The following FMNL1 variants were observed in gnomAD, a reference collection of about 807,000 sequenced individuals.
FMNL1 encodes formin like 1, also known as formin-like protein 1.
In FMNL1, 43 loss-of-function variants were observed where a neutral mutation model predicts 121.3. The observed-to-expected ratio is 0.35, with a 90% CI of 0.28 to 0.46. The LOEUF is 0.46. FMNL1 is among the 20% of genes least tolerant of loss of function. FMNL1 has a pLI of 1.00. For missense variants in FMNL1, 1,191 were observed against 1,482.4 expected, an observed-to-expected ratio of 0.80 and a Z score of 3.23; for synonymous variants, 613 against 613.5, an observed-to-expected ratio of 1.00 and a Z score of 0.01.
At chr17:45,243,350 A>T in intron 17 of FMNL1, 30 bp downstream of exon 17, 1 of 1,607,762 alleles carries the variant, frequency 6.2e-7, no homozygotes, top group Middle Eastern at 2.1e-4. Context: ...GTTTGTGGGC[A>T]GTCCGGCCCC....
chr17:45,231,748 C>T lies in FMNL1; in HGVS notation c.214-619C>T, dbSNP rs1025419540. ...AGAGGAGCACGCAGGTTCCTGCCAA[C>T]GCAGATGTGCAGGGCGGCTGGGTCC... On this transcript the variant is annotated intron_variant, in intron 2 of 26. Coordinates refer to ENST00000331495, the MANE Select transcript of FMNL1 (RefSeq NM_005892.4). The surrounding 1 kb of genome is among the most constrained non-coding windows in gnomAD (Gnocchi z 4.7). Among the ~76,000 whole-genome samples the T allele has an allele frequency of 3.9e-5, 6 of 152,238 alleles. No individual in the cohort carries two copies. Among genetic ancestry groups the T allele is most frequent in the Admixed American group, 1.3e-4 (2 of 15,302 alleles).
rs369830590 is a variant in FMNL1 at position 45,237,817 on chromosome 17, C to A, written c.894+178C>A. The stretch of plus-strand genomic sequence containing the variant: ...CTCAGCAATCTGGGATGGGGAAGTT[C>A]TGAATGGAAGGTACAGGGTCAGGTA... On this transcript the variant is annotated intron_variant, in intron 9 of 26. Transcript: ENST00000331495. The surrounding 1 kb of genome is among the most constrained non-coding windows in gnomAD (Gnocchi z 4.4). Among the ~76,000 whole-genome samples the A allele has an allele frequency of 1.3e-5, 2 of 152,122 alleles. No individual in the cohort carries two copies. The highest frequency in any genetic ancestry group is 1.9e-4 in the East Asian group (1 of 5,186).
rs992192887 is a variant in FMNL1 at position 45,233,403 on chromosome 17, T to C, written c.401+106T>C. ...TCCCCCTGCCCCCTGCACAAGGCTG[T>C]GCTTGTGGACCACCTCCTGGAGGTG... On this transcript the variant is annotated intron_variant, in intron 4 of 26. Transcript: ENST00000331495. The surrounding 1 kb of genome is among the most constrained non-coding windows in gnomAD (Gnocchi z 4.1). 41 of 1,249,104 alleles carry C rather than the reference T, an allele frequency of 3.3e-5. No homozygotes were observed. Among genetic ancestry groups the C allele is most frequent in the Non-Finnish European group, 5.5e-6 (5 of 903,734 alleles). 77.4% of individuals were successfully genotyped at this position (1,249,104 alleles called of 1,614,324 possible). A position where few individuals can be genotyped will look rare whatever the true frequency, so the allele number is the denominator to read the frequency against.
intron 12 of FMNL1, 160 bp from the exon 13 acceptor site, chr17:45,240,969 T>C (rs2043676136): frequency 1.2e-6 from 1 of 852,006 alleles, no homozygotes; most frequent in Non-Finnish European, 1.8e-6. Context: ...CCTTATTTGC[T>C]TGGGTTCGAG....
rs2043427364 is a variant in FMNL1, at chr17:45,231,094, C to T, written c.213+407C>T. Among the ~76,000 whole-genome samples the T allele has an allele frequency of 6.6e-6, 1 of 152,174 alleles. No homozygotes were observed. The highest frequency in any genetic ancestry group is 1.5e-5 in the Non-Finnish European group (1 of 68,000). ...GGGAGGGAGGAAGGGGCGGGAATTC[C>T]TGCCCTTTTGCCTTGGGTCCAGAGG... On this transcript the variant is annotated intron_variant, in intron 2 of 26. Transcript: ENST00000331495. The surrounding 1 kb of genome is among the most constrained non-coding windows in gnomAD (Gnocchi z 4.7).
chr17:45,241,462 G>C lies in FMNL1; in HGVS notation c.1413G>C (p.Thr471=). 1 of 1,570,008 alleles carries C rather than the reference G, an allele frequency of 6.4e-7. No homozygotes were observed. The highest frequency in any genetic ancestry group is 1.2e-5 in the South Asian group (1 of 86,048). The change falls in exon 14 of 27, where the codon ACG becomes ACC. Residue 471 remains threonine, a synonymous_variant. Coordinates refer to ENST00000331495, the MANE Select transcript of FMNL1 (RefSeq NM_005892.4). The surrounding 1 kb of genome is among the most constrained non-coding windows in gnomAD (Gnocchi z 7.0). Reference sequence around the variant, plus strand: ...AGAAAGCGCCTCCCGCTGCCCCGACGCGGCCCTCGGCCCTGGAGCTGAAGG... The same window carrying C: ...AGAAAGCGCCTCCCGCTGCCCCGACCCGGCCCTCGGCCCTGGAGCTGAAGG... ...EPEKAPPAAP[T]RPSALELKVE...
At chr17:45,240,859 T>G (rs759140140) in intron 12 of FMNL1, 1 of 733,270 alleles carries the variant, frequency 1.4e-6, no homozygotes, top group South Asian at 1.9e-5. Flanking sequence ...CTACCCAGGC[T>G]CAGACCCCAG....
chr17:45,229,968 GC>G (rs1450364277), intron 1 of FMNL1, among the ~76,000 whole-genome samples: 2 of 152,180 alleles, frequency 1.3e-5, no homozygotes, highest in African/African-American at 2.4e-5. Flanking sequence ...TGACATGGCC[GC>G]CCTCAGCTCC....
At chr17:45,222,742 G>T (rs922896218) in intron 1 of FMNL1, among the ~76,000 whole-genome samples, 1 of 152,174 alleles carries the variant, frequency 6.6e-6, no homozygotes, top group Admixed American at 6.5e-5. Context: ...GGGGTTGTCG[G>T]ATCATGGCCA....
Position 45,245,890 on chromosome 17 carries a change from G to A in FMNL1, c.3007G>A (p.Glu1003Lys). ...CCTTGGCCCACAGAAAGCTGAGCAG[G>A]AGGTGGAACAGTGGAAAAAAGAAGC... ...FIKAYKKAEQ[E>K]VEQWKKEAAA... is the part of the protein sequence containing the mutation. Residue 1003 changes from glutamate (E) to lysine (K), a missense_variant, in exon 24 of 27, where the codon GAG (glutamate) becomes AAG (lysine). Coordinates refer to ENST00000331495, the MANE Select transcript of FMNL1 (RefSeq NM_005892.4). 1 of 1,594,252 alleles carries A rather than the reference G, an allele frequency of 6.3e-7. No individual in the cohort carries two copies. The highest frequency in any genetic ancestry group is 8.5e-7 in the Non-Finnish European group (1 of 1,172,754).
At chr17:45,244,740 C>T (rs1180791378) in intron 19 of FMNL1, 79 bp from the exon 20 acceptor site, 5 of 1,475,108 alleles carry the variant, frequency 3.4e-6, no homozygotes, top group African/African-American at 2.8e-5. Context: ...CTTGCCACCT[C>T]TTCTCCTCCT....
Position 45,237,396 on chromosome 17 carries a change from T to A in FMNL1, c.800+39T>A, listed in dbSNP as rs1303070359. 3.1e-6 allele frequency: 5 copies of A among 1,612,708 alleles called. No individual in the cohort carries two copies. In the Admixed American group the frequency reaches 8.3e-5, roughly 27 times the overall value. On this transcript the variant is annotated intron_variant, in intron 8 of 26. Transcript: ENST00000331495. This position sits in a 1 kb window ranked among gnomAD's most constrained non-coding sequence, Gnocchi z 4.4. Reference sequence around the variant, plus strand: ...CCCAAACCTTTCTCCGTATCTAGAGTCTTCTCCTACTTAGCCCCTTGCTTA... The same window carrying A: ...CCCAAACCTTTCTCCGTATCTAGAGACTTCTCCTACTTAGCCCCTTGCTTA...
At position 45,233,349 on chromosome 17, in the gene FMNL1, A is replaced by T; in HGVS notation, c.401+52A>T. The T allele has an allele frequency of 6.6e-7, 1 of 1,526,480 alleles. No individual in the cohort carries two copies. Among genetic ancestry groups the T allele is most frequent in the South Asian group, 1.2e-5 (1 of 83,074 alleles). 94.6% of individuals were successfully genotyped at this position (1,526,480 alleles called of 1,614,324 possible). The stretch of plus-strand genomic sequence containing the variant: ...CTGGGCCTAGGAAGGCTCTGCTTCC[A>T]GGCAGCTCCTGGAGCTTCCCCTTCC... On this transcript the variant is annotated intron_variant, in intron 4 of 26. Transcript: ENST00000331495. This position sits in a 1 kb window ranked among gnomAD's most constrained non-coding sequence, Gnocchi z 4.1.
rs753685956 is a variant in FMNL1, at chr17:45,245,000, G to A, written c.2620G>A (p.Asp874Asn). 4.3e-6 allele frequency: 7 copies of A among 1,613,912 alleles called. No individual in the cohort carries two copies. The highest frequency in any genetic ancestry group is 1.3e-5 in the African/African-American group (1 of 75,044). The change falls in exon 21 of 27, where the codon GAT (aspartate) becomes AAT (asparagine). Residue 874 changes from aspartate to asparagine, a missense_variant. Around this residue, in one of 4 missense-constraint regions of FMNL1, gnomAD observed 367 missense variants for 528.6 expected, o/e 0.69. Transcript: ENST00000331495. Reference sequence around the variant, plus strand: ...GCAGCTGTTGGAGATGAAGTCGACTGATCGCAAGCAGACGCTGCTGCACTA... The same window carrying A: ...GCAGCTGTTGGAGATGAAGTCGACTAATCGCAAGCAGACGCTGCTGCACTA... ...LDALLEMKST[D>N]RKQTLLHYLV...
intron 17 of FMNL1, 67 bp from the exon 18 acceptor site, chr17:45,243,724 G>T (rs1287945688): frequency 7.0e-7 from 1 of 1,433,880 alleles, no homozygotes; most frequent in Admixed American, 1.9e-5. Flanking sequence ...CAAGGCAGGG[G>T]TAGCCCTGCT....
In FMNL1 at chr17:45,233,889, T is replaced by C. The variant is rs2043494195; in HGVS notation, c.485+158T>C. On this transcript the variant is annotated intron_variant, in intron 5 of 26. Transcript: ENST00000331495. The surrounding 1 kb of genome is among the most constrained non-coding windows in gnomAD (Gnocchi z 4.1). ...TGAGCGATGCTCCTTCCAGAAGGCC[T>C]GCCCCCGACAGGGAGGGGTGGCCTC... 29 of 1,319,306 alleles carry C rather than the reference T, an allele frequency of 2.2e-5. No homozygotes were observed. In the South Asian group the frequency reaches 4.2e-4, roughly 19 times the overall value. 81.7% of individuals were successfully genotyped at this position (1,319,306 alleles called of 1,614,324 possible).
Position 45,245,943 on chromosome 17 carries a change from C to T in FMNL1, c.3060C>T (p.Thr1020=), listed in dbSNP as rs765380574. 1.1e-5 allele frequency: 18 copies of T among 1,583,244 alleles called. No individual in the cohort carries two copies. Among genetic ancestry groups the T allele is most frequent in the Middle Eastern group, 2.1e-4 (1 of 4,738 alleles). ...EAAAQEAGAD[T]PGKGEPPAPK... ...CTGCCCAGGAGGCAGGCGCTGATAC[C>T]CCGGGCAAAGGGGAGCCCCCAGCAC... The change falls in exon 24 of 27, where the codon ACC becomes ACT. Residue 1020 remains threonine, a synonymous_variant. Transcript: ENST00000331495.
chr17:45,245,449 G>A (rs1462539902), intron 22 of FMNL1, 33 bp downstream of exon 22: 2 of 1,613,648 alleles, frequency 1.2e-6, no homozygotes, highest in Non-Finnish European at 1.7e-6. Context: ...TGGAGGTGGG[G>A]CATGTAGGAG....
In FMNL1 at chr17:45,231,124, G is replaced by A. The variant is rs573932463; in HGVS notation, c.213+437G>A. The stretch of plus-strand genomic sequence containing the variant: ...CTTTTGCCTTGGGTCCAGAGGAGCT[G>A]CAGTTGACCAGCAACTCCCCAAGGC... On this transcript the variant is annotated intron_variant, in intron 2 of 26. Coordinates refer to ENST00000331495, the MANE Select transcript of FMNL1 (RefSeq NM_005892.4). This position sits in a 1 kb window ranked among gnomAD's most constrained non-coding sequence, Gnocchi z 4.7. 3.9e-5 allele frequency among the ~76,000 whole-genome samples: 6 copies of A among 152,346 alleles called. No homozygotes were observed. Among genetic ancestry groups the A allele is most frequent in the African/African-American group, 1.4e-4 (6 of 41,592 alleles).
Sources: gnomAD v4.1 joint callset for allele counts (sites outside exome capture counted in the v4.1 genomes callset) on GRCh38, gnomAD v4.1.1 for gene constraint, gnomAD v4.1.1 regional missense constraint, Gnocchi (gnomAD v3.1) non-coding constraint, MANE v1.5 for transcripts, NCBI Gene and HGNC (gene_info 2026-07-23, HGNC 2026-07-21) for gene names.